Variants in TJP1 observed in about 807,000 individuals in gnomAD.
TJP1 encodes tight junction protein ZO-1.
Under a neutral mutation model 194.2 loss-of-function variants are expected in TJP1, and 43 were observed. That is an observed-to-expected ratio of 0.22 (90% CI 0.17 to 0.29). The LOEUF (loss-of-function observed/expected upper bound fraction) is 0.29. Among genes scored for constraint, TJP1 ranks in the 10% least tolerant of loss-of-function variants. TJP1 has a pLI of 1.00. For synonymous variants in TJP1, 801 were observed against 779.0 expected (o/e 1.03, Z -0.47); for missense variants, 1,971 against 2,185.7 (o/e 0.90, Z 1.96).
At chr15:29,797,553 C>T (rs1205759486) in intron 2 of TJP1, among the ~76,000 whole-genome samples, 18 of 150,020 alleles carry the variant, frequency 1.2e-4, no homozygotes, top group Non-Finnish European at 1.8e-4. Context: ...AAAATAATAC[C>T]TGATAAAGAA....
At chr15:29,863,292 T>G (rs1003212010) in intron 2 of TJP1, among the ~76,000 whole-genome samples, 1 of 127,600 alleles carries the variant, frequency 7.8e-6, no homozygotes, top group African/African-American at 2.7e-5. Flanking sequence ...CGAGCCTTTG[T>G]CTCAAAAAAT....
chr15:29,914,509 T>C (rs1596247834), intron 2 of TJP1, among the ~76,000 whole-genome samples: 1 of 152,068 alleles, frequency 6.6e-6, no homozygotes, highest in East Asian at 1.9e-4. Flanking sequence ...AATACAAAGA[T>C]GTGAGGGGCT....
At chr15:29,803,236 TCA>T (rs1048045801) in intron 1 of TJP1, among the ~76,000 whole-genome samples, 3 of 152,184 alleles carry the variant, frequency 2.0e-5, no homozygotes, top group Non-Finnish European at 4.4e-5. Flanking sequence ...TCACAAAATC[TCA>T]TTCCTATTTG....
In TJP1 at chr15:29,727,076, C is replaced by T. The variant is rs78670086; in HGVS notation, c.2101-85G>A. 1,680 of 1,211,602 alleles carry T rather than the reference C, an allele frequency of 1.4e-3. 13 individuals carry two copies. The African/African-American group carries it at 0.022, about 16-fold the overall frequency. 75.1% of individuals were successfully genotyped at this position (1,211,602 alleles called of 1,614,324 possible). A position where few individuals can be genotyped will look rare whatever the true frequency, so the allele number is the denominator to read the frequency against. On this transcript the variant is annotated intron_variant, in intron 16 of 27. Coordinates refer to ENST00000614355, the MANE Select transcript of TJP1 (RefSeq NM_001330239.4). ...AAATTCAGCTGGGTGCAGTGGCTCA[C>T]GCTACGCCTATAATCCTAGCACTTT...
chr15:29,875,282 G>A (rs139550207), intron 2 of TJP1, among the ~76,000 whole-genome samples: 1 of 152,284 alleles, frequency 6.6e-6, no homozygotes, highest in East Asian at 1.9e-4. Flanking sequence ...CCTCTAATCT[G>A]TACTTTTCAA....
chr15:29,778,807 G>A (rs887464708), intron 2 of TJP1, among the ~76,000 whole-genome samples: 3 of 152,002 alleles, frequency 2.0e-5, no homozygotes, highest in African/African-American at 7.2e-5. Flanking sequence ...CAGGTTCCAT[G>A]TCACCTCATT....
intron 2 of TJP1, among the ~76,000 whole-genome samples, chr15:29,908,606 C>CTTATTAT (rs1567185500): frequency 6.6e-6 from 1 of 152,200 alleles, no homozygotes; most frequent in Non-Finnish European, 1.5e-5. Flanking sequence ...AGGTGGGGCA[C>CTTATTAT]CAGTCCCAAG....
At chr15:29,766,569 A>T (rs142439318) in intron 4 of TJP1, 27 bp from the exon 5 acceptor site, 5 of 1,522,016 alleles carry the variant, frequency 3.3e-6, no homozygotes, top group Non-Finnish European at 3.5e-6. Context: ...TTAAAAAATA[A>T]GTTGACTGAT....
At chr15:29,760,310 T>C (rs981031560) in intron 8 of TJP1, 1 of 700,322 alleles carries the variant, frequency 1.4e-6, no homozygotes, top group Non-Finnish European at 2.6e-6. Flanking sequence ...CGTGTGACTC[T>C]AAAGAAAGAT....
At chr15:29,782,147 A>T (rs1366085429) in intron 2 of TJP1, among the ~76,000 whole-genome samples, 1 of 152,230 alleles carries the variant, frequency 6.6e-6, no homozygotes, top group Non-Finnish European at 1.5e-5. Flanking sequence ...ATCAATATAC[A>T]AAAACCACTA....
intron 2 of TJP1, among the ~76,000 whole-genome samples, chr15:29,949,091 ACCACCACCT>A (rs1315672177): frequency 6.9e-6 from 1 of 144,742 alleles, no homozygotes; most frequent in African/African-American, 2.6e-5. Context: ...CTACTCCTTC[ACCACCACCT>A]CCACCACTTC....
At chr15:29,760,111 A>G (rs1405359756) in intron 8 of TJP1, 3 of 634,100 alleles carry the variant, frequency 4.7e-6, no homozygotes, top group African/African-American at 1.8e-5. Flanking sequence ...CTTTTCTTCT[A>G]AACTGTCTCT....
chr15:29,776,647 T>A (rs2047031436), intron 2 of TJP1, among the ~76,000 whole-genome samples: 1 of 152,192 alleles, frequency 6.6e-6, no homozygotes, highest in Non-Finnish European at 1.5e-5. Flanking sequence ...TTTATCCATG[T>A]ATAATTTTAC....
chr15:29,710,328 A>G (rs2042163131), intron 24 of TJP1, among the ~76,000 whole-genome samples: 1 of 152,194 alleles, frequency 6.6e-6, no homozygotes, highest in Non-Finnish European at 1.5e-5. Context: ...AGGGAATAAT[A>G]AGAGAAGTCT....
chr15:29,927,301 CA>C (rs2054557051), intron 2 of TJP1, among the ~76,000 whole-genome samples: 1 of 151,918 alleles, frequency 6.6e-6, no homozygotes, highest in Non-Finnish European at 1.5e-5. Context: ...GCCTGGGTGA[CA>C]AAGCAAGACT....
At chr15:29,796,405 TG>T (rs34611112) in intron 2 of TJP1, among the ~76,000 whole-genome samples, 110,310 of 145,592 alleles carry the variant, frequency 0.76, 42,286 homozygotes, top group East Asian at 0.87. Flanking sequence ...AATATTGAAA[TG>T]AAAAAAAAAA....
chr15:29,957,609 T>A (rs1260697527), intron 1 of TJP1, among the ~76,000 whole-genome samples: 1 of 152,244 alleles, frequency 6.6e-6, no homozygotes, highest in Non-Finnish European at 1.5e-5. Context: ...TTTTAATGGC[T>A]AAATGGTATC....
chr15:29,852,046 T>C (rs1270689859), intron 2 of TJP1, among the ~76,000 whole-genome samples: 2 of 152,178 alleles, frequency 1.3e-5, no homozygotes, highest in Non-Finnish European at 1.5e-5. Context: ...TGAGAAAATC[T>C]TTGAGCTCTC....
At chr15:29,722,627 C>A (rs1294900627) in intron 18 of TJP1, among the ~76,000 whole-genome samples, 1 of 152,212 alleles carries the variant, frequency 6.6e-6, no homozygotes, top group Non-Finnish European at 1.5e-5. Context: ...CCCCACCAGA[C>A]AGTCCCCACT....
Sources: gnomAD v4.1 joint callset for allele counts (sites outside exome capture counted in the v4.1 genomes callset) on GRCh38, gnomAD v4.1.1 for gene constraint, MANE v1.5 for transcripts, NCBI Gene and HGNC (gene_info 2026-07-23, HGNC 2026-07-21) for gene names.